MPRIP: variants seen among roughly 807,000 people sequenced by gnomAD.
MPRIP encodes the protein myosin phosphatase Rho interacting protein, also known as myosin phosphatase Rho-interacting protein.
A neutral mutation model predicts 234.9 loss-of-function variants in MPRIP; 59 were observed. That is an observed-to-expected ratio of 0.25 (90% CI 0.20 to 0.31). The LOEUF (loss-of-function observed/expected upper bound fraction) is 0.31, where lower values mean the gene tolerates loss of function less well. Among genes scored for constraint, MPRIP ranks in the 10% least tolerant of loss-of-function variants. The pLI is 1.00. For missense variants in MPRIP, 2,436 were observed against 3,071.0 expected (o/e 0.79, Z 4.89); for synonymous variants, 1,144 against 1,263.9 (o/e 0.91, Z 2.01).
intron 1 of MPRIP, among the ~76,000 whole-genome samples, chr17:17,067,007 T>G (rs1258165382): frequency 6.6e-6 from 1 of 151,896 alleles, no homozygotes; most frequent in East Asian, 1.9e-4. Context: ...ATCCTCCTGC[T>G]TCAGCCTCCC....
At chr17:17,111,167 AAG>A (rs201504146) in intron 3 of MPRIP, among the ~76,000 whole-genome samples, 4,189 of 138,470 alleles carry the variant, frequency 0.03, 108 homozygotes, top group South Asian at 0.097. Context: ...CCAAAAAAAA[AAG>A]AAAAAACCTC....
rs147915157 is a variant in MPRIP at position 17,183,511 on chromosome 17, C to T, written c.7207-1312C>T. On this transcript the variant is annotated intron_variant, in intron 23 of 23. Coordinates refer to ENST00000651222, the MANE Select transcript of MPRIP (RefSeq NM_001364716.4). ...GATTACAGGCGTGAGCCACCGCGCCCGGCCTGGACCAGTGAGTTTTAAAAT... is the reference window on the plus strand; with the variant it reads ...GATTACAGGCGTGAGCCACCGCGCCTGGCCTGGACCAGTGAGTTTTAAAAT... Among the ~76,000 whole-genome samples the T allele has an allele frequency of 3.9e-5, 6 of 152,286 alleles. 1 individual carries two copies. Among genetic ancestry groups the T allele is most frequent in the Admixed American group, 2.6e-4 (4 of 15,304 alleles).
intron 3 of MPRIP, among the ~76,000 whole-genome samples, chr17:17,118,185 C>T (rs551159839): frequency 1.4e-4 from 22 of 152,348 alleles, no homozygotes; most frequent in African/African-American, 3.8e-4. Context: ...TAGCCCAGGT[C>T]ATGGGGTGGT....
Position 17,138,266 on chromosome 17 carries a change from T to G in MPRIP, c.1087T>G (p.Phe363Val), listed in dbSNP as rs2090746540. The G allele has an allele frequency of 2.1e-6, 1 of 478,036 alleles. No homozygotes were observed. The highest frequency in any genetic ancestry group is 3.6e-6 in the Non-Finnish European group (1 of 277,908). 29.6% of individuals were successfully genotyped at this position (478,036 alleles called of 1,614,324 possible). A position where few individuals can be genotyped will look rare whatever the true frequency, so the allele number is the denominator to read the frequency against. The part of the protein sequence containing the change: ...GTERLGSAFA[F>V]KASRQYATLA... ...AGAGAGACTGGGGAGCGCCTTTGCC[T>G]TTAAAGCCAGCAGGCAATATGCCAC... The change falls in exon 7 of 24, where the codon TTT (phenylalanine) becomes GTT (valine). Residue 363 changes from phenylalanine (F) to valine (V), a missense_variant. Physicochemically the swap from Phe to Val is conservative, Grantham distance 50 (BLOSUM62 -1). Transcript: ENST00000651222. The surrounding 1 kb of genome is among the most constrained non-coding windows in gnomAD (Gnocchi z 5.8).
chr17:17,112,548 G>T (rs113500398), intron 3 of MPRIP, among the ~76,000 whole-genome samples: 1 of 152,034 alleles, frequency 6.6e-6, no homozygotes, highest in South Asian at 2.1e-4. Flanking sequence ...TCCTCTGTAC[G>T]TGGAACAGTC....
In MPRIP at chr17:17,169,119, A is replaced by G. The variant is rs991459799; in HGVS notation, c.6324+1204A>G. ...CCAAATCAGTCAAAACCTTTTAAAA[A>G]CCATTATGAGTTGTGAGAAGGTTTC... On this transcript the variant is annotated intron_variant, in intron 16 of 23. Transcript: ENST00000651222. 2.7e-5 allele frequency: 11 copies of G among 412,208 alleles called. 1 individual carries two copies. In the Middle Eastern group the frequency reaches 1.1e-3, roughly 40 times the overall value. 25.5% of individuals were successfully genotyped at this position (412,208 alleles called of 1,614,324 possible). A position where few individuals can be genotyped will look rare whatever the true frequency, so the allele number is the denominator to read the frequency against.
intron 1 of MPRIP, among the ~76,000 whole-genome samples, chr17:17,046,487 C>T (rs915312031): frequency 6.6e-6 from 1 of 151,920 alleles, no homozygotes; most frequent in Non-Finnish European, 1.5e-5. Flanking sequence ...ACGAAATTGC[C>T]TTCCAAAAAA....
intron 3 of MPRIP, among the ~76,000 whole-genome samples, chr17:17,095,363 C>T (rs1671364670): frequency 6.6e-6 from 1 of 152,142 alleles, no homozygotes; most frequent in Non-Finnish European, 1.5e-5. Context: ...CTTAGAAGGA[C>T]AGGCAGGCAG....
chr17:17,168,460 G>A (rs2046054558), intron 16 of MPRIP: 4 of 282,036 alleles, frequency 1.4e-5, no homozygotes, highest in South Asian at 3.5e-5. Context: ...GCTCTGGTGA[G>A]AAGAACTTTC....
intron 16 of MPRIP, chr17:17,170,915 T>C (rs2046119143): frequency 6.6e-6 from 1 of 152,248 alleles, no homozygotes; most frequent in Non-Finnish European, 1.5e-5. Context: ...GGCATGCCTA[T>C]GTCGCTCTAG....
At chr17:17,050,900 A>C (rs1231631240) in intron 1 of MPRIP, among the ~76,000 whole-genome samples, 1 of 152,126 alleles carries the variant, frequency 6.6e-6, no homozygotes, top group Non-Finnish European at 1.5e-5. Context: ...GTATTATGTA[A>C]TTGCACCCTA....
intron 6 of MPRIP, among the ~76,000 whole-genome samples, chr17:17,137,004 GAC>G (rs1241863363): frequency 6.6e-6 from 1 of 152,188 alleles, no homozygotes; most frequent in Non-Finnish European, 1.5e-5. Context: ...GGCTCTGTAA[GAC>G]ACAGGCTGGG....
intron 6 of MPRIP, among the ~76,000 whole-genome samples, chr17:17,137,391 G>A (rs1201056354): frequency 1.3e-5 from 2 of 152,086 alleles, no homozygotes; most frequent in East Asian, 1.9e-4. Context: ...GTGCACACCT[G>A]TAGTCCTAGC....
At chr17:17,066,666 T>C (rs8073107) in intron 1 of MPRIP, among the ~76,000 whole-genome samples, 150,536 of 150,536 alleles carry the variant, frequency 1, 75,268 homozygotes, top group Non-Finnish European at 1. Context: ...GAACTCATTT[T>C]TGATTGGAAA....
At position 17,177,361 on chromosome 17, in the gene MPRIP, A is replaced by G. The variant is rs568785695; in HGVS notation, c.7069A>G (p.Thr2357Ala). The change falls in exon 22 of 24, where the codon ACG (threonine) becomes GCG (alanine). Residue 2357 changes from threonine (T) to alanine (A), a missense_variant. By Grantham distance (58) the Thr-to-Ala change is moderately conservative (BLOSUM62 0). This residue lies in a region of MPRIP where 1,998 missense variants were observed against 2,520.3 expected (regional missense o/e 0.79). Coordinates refer to ENST00000651222, the MANE Select transcript of MPRIP (RefSeq NM_001364716.4). ...SRLKEQLKAA[T>A]EALGEKSPDS... ...GTTGAAGGAGCAGCTCAAGGCTGCA[A>G]CGGAAGCACTGGGGGAGAAGTCCCC... 15 of 1,613,890 alleles carry G rather than the reference A, an allele frequency of 9.3e-6. No individual in the cohort carries two copies. The highest frequency in any genetic ancestry group is 2.2e-5 in the East Asian group (1 of 44,890).
chr17:17,071,626 GACC>G, intron 1 of MPRIP, among the ~76,000 whole-genome samples: 1 of 152,238 alleles, frequency 6.6e-6, no homozygotes, highest in Non-Finnish European at 1.5e-5. Context: ...GGCACACCCA[GACC>G]ACCAGCAGCC....
At chr17:17,150,281 G>A (rs1217467811) in intron 12 of MPRIP, 48 bp downstream of exon 12, 3 of 1,406,630 alleles carry the variant, frequency 2.1e-6, no homozygotes, top group Non-Finnish European at 3.0e-6. Flanking sequence ...AGGCAGGGAT[G>A]CATGTCAGAG....
chr17:17,120,930 T>A (rs1293561396), intron 3 of MPRIP, among the ~76,000 whole-genome samples: 4 of 152,060 alleles, frequency 2.6e-5, no homozygotes, highest in African/African-American at 9.7e-5. Context: ...TCCTGCCCCC[T>A]AGGCAGAGGC....
Position 17,167,960 on chromosome 17 carries a change from AT to A in MPRIP, c.6324+46del. ...TTTGCAGAGCAGATCTTCCTTGATA[AT>A]GGGGTGGGTGTGGGGACGTCTGGCT... is the stretch of plus-strand genomic sequence containing the variant. On this transcript the variant is annotated intron_variant, in intron 16 of 23. Coordinates refer to ENST00000651222, the MANE Select transcript of MPRIP (RefSeq NM_001364716.4). The surrounding 1 kb of genome is among the most constrained non-coding windows in gnomAD (Gnocchi z 5.9). 1.6e-6 allele frequency: 2 copies of A among 1,262,720 alleles called. No individual in the cohort carries two copies. Among genetic ancestry groups the A allele is most frequent in the Non-Finnish European group, 2.1e-6 (2 of 965,582 alleles). The allele number at this position is 1,262,720 out of a possible 1,614,324, so 78.2% of individuals were successfully genotyped here.
Sources: gnomAD v4.1 joint callset for allele counts (sites outside exome capture counted in the v4.1 genomes callset) on GRCh38, gnomAD v4.1.1 for gene constraint, gnomAD v4.1.1 regional missense constraint, Gnocchi (gnomAD v3.1) non-coding constraint, MANE v1.5 for transcripts, NCBI Gene and HGNC (gene_info 2026-07-23, HGNC 2026-07-21) for gene names.